FBN3: variants seen among roughly 807,000 people sequenced by gnomAD.
FBN3 encodes fibrillin 3, also known as fibrillin-3.
Under a neutral mutation model 330.1 loss-of-function variants are expected in FBN3, and 234 were observed. That is an observed-to-expected ratio of 0.71 (90% CI 0.64 to 0.79). FBN3 has a LOEUF of 0.79. Ranked by LOEUF, FBN3 falls within the 30% of genes least tolerant of loss-of-function variation. The probability of loss-of-function intolerance (pLI) is 0.00; values close to 1 mark genes in which losing one functional copy is unlikely to be tolerated. For missense variants in FBN3, 3,606 were observed against 3,886.9 expected (o/e 0.93, Z 1.92); for synonymous variants, 1,458 against 1,517.3 (o/e 0.96, Z 0.91).
intron 49 of FBN3, 26 bp from the exon 50 acceptor site, chr19:8,089,985 A>T: frequency 6.3e-7 from 1 of 1,595,724 alleles, no homozygotes; most frequent in South Asian, 1.1e-5. Flanking sequence ...GAGGGGAGTC[A>T]GAGTCAGGGC....
At chr19:8,132,495 T>C (rs2083171619) in intron 14 of FBN3, among the ~76,000 whole-genome samples, 1 of 151,178 alleles carries the variant, frequency 6.6e-6, no homozygotes, top group African/African-American at 2.4e-5. Context: ...AATGCATCAC[T>C]TTTTTTTTCT....
chr19:8,146,088 ACTT>A (rs745726478), intron 4 of FBN3, 36 bp downstream of exon 4: 173 of 1,548,332 alleles, frequency 1.1e-4, no homozygotes, highest in East Asian at 9.6e-4. Context: ...AACCCTGTGA[ACTT>A]CTTCTCCCTC....
rs760164408 is a variant in FBN3, at chr19:8,133,107, C to CT, written c.1592-2dup. On this transcript the variant is annotated splice_acceptor_variant, in intron 13 of 63. Coordinates refer to ENST00000600128, the MANE Select transcript of FBN3 (RefSeq NM_032447.5). LOFTEE classifies it high-confidence loss of function. ...GTGCTGGTGGCACACTCGTTGTGGT[C>CT]TGGGGACAACAGCAGAGGCTGGGTC... is the stretch of plus-strand genomic sequence containing the variant. 6.4e-7 allele frequency: 1 copy of CT among 1,570,890 alleles called. No individual in the cohort carries two copies. Among genetic ancestry groups the CT allele is most frequent in the East Asian group, 2.3e-5 (1 of 43,048 alleles).
At chr19:8,135,936 G>GGGGGGGGGGGGGGGGGGGGCGCCCC in intron 13 of FBN3, 25 bp downstream of exon 13, 1 of 668,778 alleles carries the variant, frequency 1.5e-6, no homozygotes, top group Non-Finnish European at 2.4e-6. Flanking sequence ...GGAAGCCCCT[G>GGGGGGGGGGGGGGGGGGGGCGCCCC]CCCACCCGCC....
chr19:8,141,793 G>C lies in FBN3; in HGVS notation c.789C>G (p.Cys263Trp). The change falls in exon 8 of 64, where the codon TGC becomes TGG. Residue 263 changes from cysteine (C) to tryptophan (W), a missense_variant. Physicochemically the swap from Cys to Trp is radical, Grantham distance 215. Transcript: ENST00000600128. ...AATGGAAGGAGCCCACCATGTTGAC[G>C]CAGCTGCCTCCCTGGCACAGGCCTG... The part of the protein sequence containing the change: ...AVPGLCQGGS[C>W]VNMVGSFHCR... The C allele has an allele frequency of 5.6e-6, 9 of 1,614,130 alleles. No individual in the cohort carries two copies. The highest frequency in any genetic ancestry group is 7.6e-6 in the Non-Finnish European group (9 of 1,180,034).
chr19:8,110,423 C>T (rs1368085208), intron 34 of FBN3, among the ~76,000 whole-genome samples: 1 of 152,168 alleles, frequency 6.6e-6, no homozygotes, highest in East Asian at 1.9e-4. Context: ...TAGGTCAAAT[C>T]CGGTCCACCA....
rs375625598 is a variant in FBN3, at chr19:8,131,664, C to T, written c.1880G>A (p.Gly627Asp). ...GCCAGGGAAGGGGCGGGCACAGGAG[C>T]CCTTCTCGATGGCCCCATAGCAGGT... Reference protein sequence around the residue: ...RSTCYGAIEKGSCARPFPGTV... With the variant: ...RSTCYGAIEKDSCARPFPGTV... The change falls in exon 15 of 64, where the codon GGC becomes GAC. Residue 627 changes from glycine to aspartate, a missense_variant. Transcript: ENST00000600128. This position sits in a 1 kb window ranked among gnomAD's most constrained non-coding sequence, Gnocchi z 4.5. 6.2e-7 allele frequency: 1 copy of T among 1,614,222 alleles called. No homozygotes were observed. Among genetic ancestry groups the T allele is most frequent in the Middle Eastern group, 1.6e-4 (1 of 6,062 alleles).
chr19:8,073,012 C>CATGGATG (rs2081556319), intron 62 of FBN3, 51 bp downstream of exon 62: 1 of 1,022,400 alleles, frequency 9.8e-7, no homozygotes, highest in East Asian at 2.4e-5. Context: ...TGCGTGCGTG[C>CATGGATG]ATGGACGCTT....
At chr19:8,119,161 C>T (rs937982524) in intron 25 of FBN3, 139 bp from the exon 26 acceptor site, 57 of 1,032,854 alleles carry the variant, frequency 5.5e-5, no homozygotes, top group Non-Finnish European at 7.4e-5. Context: ...CTGGAGGCTC[C>T]GGGTTGGGAT....
rs1409742798 is a variant in FBN3, at chr19:8,123,561, G to A, written c.2985C>T (p.Gly995=). Residue 995 remains glycine (G), a synonymous_variant, in exon 24 of 64, where the codon GGC becomes GGT. Coordinates refer to ENST00000600128, the MANE Select transcript of FBN3 (RefSeq NM_032447.5). ...TTCTGCAGGTACCGTGCGTGCAGAG[G>A]CCAGGGAACACCTTGCATTCATTCA... is the stretch of plus-strand genomic sequence containing the variant. ...KDVNECKVFP[G]LCTHGTCRNT... 1.2e-6 allele frequency: 2 copies of A among 1,614,086 alleles called. No homozygotes were observed. The highest frequency in any genetic ancestry group is 2.7e-5 in the African/African-American group (2 of 74,940).
At chr19:8,074,431 A>G (rs1377664475) in intron 61 of FBN3, among the ~76,000 whole-genome samples, 1 of 152,112 alleles carries the variant, frequency 6.6e-6, no homozygotes, top group African/African-American at 2.4e-5. Flanking sequence ...AGGCCACAGG[A>G]GAGAGTGTCC....
At position 8,110,425 on chromosome 19, in the gene FBN3, G is replaced by A. The variant is rs548475107; in HGVS notation, c.4333+420C>T. On this transcript the variant is annotated intron_variant, in intron 34 of 63. Coordinates refer to ENST00000600128, the MANE Select transcript of FBN3 (RefSeq NM_032447.5). ...AAATTCCAACCTGTAGGTCAAATCCGGTCCACCACCTGTTTGTGTCAATAA... is the reference window on the plus strand; with the variant it reads ...AAATTCCAACCTGTAGGTCAAATCCAGTCCACCACCTGTTTGTGTCAATAA... Among the ~76,000 whole-genome samples, 14 of 152,200 alleles carry A rather than the reference G, an allele frequency of 9.2e-5. 1 individual carries two copies. Among genetic ancestry groups the A allele is most frequent in the African/African-American group, 3.1e-4 (13 of 41,534 alleles).
At position 8,103,668 on chromosome 19, in the gene FBN3, T is replaced by C. The variant is rs138861826; in HGVS notation, c.4833A>G (p.Thr1611=). The change falls in exon 39 of 64, where the codon ACA becomes ACG. Residue 1611 remains threonine (T), a synonymous_variant. Transcript: ENST00000600128. ...RICEDIDECS[T]HSGICGPGTC... The stretch of plus-strand genomic sequence containing the variant: ...TGCCAGGGCCACAGATGCCGGAGTG[T>C]GTGGAGCATTCGTCAATATCTGCAG... 21 of 1,613,404 alleles carry C rather than the reference T, an allele frequency of 1.3e-5. No homozygotes were observed. The African/African-American group carries it at 2.5e-4, about 19-fold the overall frequency.
intron 30 of FBN3, among the ~76,000 whole-genome samples, chr19:8,113,107 C>A (rs1310835047): frequency 4.6e-5 from 7 of 152,120 alleles, no homozygotes; most frequent in Admixed American, 1.3e-4. Flanking sequence ...GTGTAGGCTC[C>A]CATCCAGTGA....
chr19:8,083,806 T>C (rs2081866152), intron 56 of FBN3, among the ~76,000 whole-genome samples: 1 of 86,078 alleles, frequency 1.2e-5, no homozygotes, highest in South Asian at 3.3e-4. Context: ...CTATTTTTTC[T>C]TTTTTTTTTT....
intron 56 of FBN3, 124 bp downstream of exon 56, chr19:8,085,238 CA>C: frequency 1.3e-6 from 1 of 763,230 alleles, no homozygotes; most frequent in African/African-American, 1.8e-5. Context: ...CACACACACA[CA>C]CACACACACA....
Position 8,065,524 on chromosome 19 carries a change from A to C in FBN3, c.*395T>G. The C allele has an allele frequency of 3.0e-5, 6 of 198,242 alleles. No homozygotes were observed. The highest frequency in any genetic ancestry group is 4.0e-5 in the Non-Finnish European group (4 of 98,908). The allele number at this position is 198,242 out of a possible 1,614,324, so 12.3% of individuals were successfully genotyped here. On this transcript the variant is annotated 3_prime_UTR_variant, in exon 64 of 64. Transcript: ENST00000600128. ...CCTGTACACCCTTCTACTCCGAGGA[A>C]TAAGCCCTGTGCCCACCCCAGTTGC... is the stretch of plus-strand genomic sequence containing the variant.
chr19:8,136,610 G>T (rs2083287714), intron 10 of FBN3, 79 bp from the exon 11 acceptor site: 1 of 1,573,474 alleles, frequency 6.4e-7, no homozygotes, highest in Non-Finnish European at 8.7e-7. Context: ...ACCTCTCTAG[G>T]CCCAGATACC....
chr19:8,137,416 G>C (rs1367678323), intron 10 of FBN3, among the ~76,000 whole-genome samples: 2 of 151,796 alleles, frequency 1.3e-5, no homozygotes, highest in Non-Finnish European at 2.9e-5. Flanking sequence ...CTGGGGCCTA[G>C]ATCCCTCCAA....
Sources: gnomAD v4.1 joint callset for allele counts (sites outside exome capture counted in the v4.1 genomes callset) on GRCh38, gnomAD v4.1.1 for gene constraint, Gnocchi (gnomAD v3.1) non-coding constraint, MANE v1.5 for transcripts, NCBI Gene and HGNC (gene_info 2026-07-23, HGNC 2026-07-21) for gene names.